BACH1: variants seen among roughly 807,000 people sequenced by gnomAD.
The protein encoded by BACH1 is BTB domain and CNC homolog 1, also known as transcription regulator protein BACH1.
Under a neutral mutation model 52.9 loss-of-function variants are expected in BACH1, and 35 were observed. The observed-to-expected ratio is 0.66, with a 90% CI of 0.51 to 0.88. The LOEUF is 0.88. Ranked by LOEUF, BACH1 falls within the 40% of genes least tolerant of loss-of-function variation. The pLI is 0.00. For synonymous variants in BACH1, 321 were observed against 319.6 expected, an observed-to-expected ratio of 1.00 and a Z score of -0.05; for missense variants, 808 against 872.6, an observed-to-expected ratio of 0.93 and a Z score of 0.93.
rs1349424777 is a variant in BACH1, at chr21:29,343,435, T to C, written c.*602T>C. ...TTTAAGCTACATTGGGAAGATTTAG[T>C]AAATAGGCAAGTGGTTGGCCTAAGA... On this transcript the variant is annotated 3_prime_UTR_variant, in exon 5 of 5. Coordinates refer to ENST00000286800, the MANE Select transcript of BACH1 (RefSeq NM_001186.4). 6.6e-6 allele frequency: 1 copy of C among 152,266 alleles called. No homozygotes were observed. The highest frequency in any genetic ancestry group is 1.5e-5 in the Non-Finnish European group (1 of 68,114). The allele number at this position is 152,266 out of a possible 1,614,324, so 9.4% of individuals were successfully genotyped here. A position where few individuals can be genotyped will look rare whatever the true frequency, so the allele number is the denominator to read the frequency against.
chr21:29,308,096 A>G (rs148843612), intron 1 of BACH1, among the ~76,000 whole-genome samples: 20 of 152,314 alleles, frequency 1.3e-4, no homozygotes, highest in Middle Eastern at 3.4e-3. Flanking sequence ...TGCTATTTAA[A>G]CTGAGCTATA....
chr21:29,342,294 G>C, intron 4 of BACH1, 105 bp from the exon 5 acceptor site: 2 of 1,141,158 alleles, frequency 1.8e-6, no homozygotes, highest in South Asian at 1.6e-5. Flanking sequence ...TAAACTCCAT[G>C]TGATCTTACT....
intron 2 of BACH1, chr21:29,352,758 C>T (rs1488147825): frequency 6.6e-6 from 1 of 151,280 alleles, no homozygotes; most frequent in African/African-American, 2.4e-5. Flanking sequence ...GTTGCCCAGG[C>T]TAGAATGCAG....
intron 2 of BACH1, among the ~76,000 whole-genome samples, chr21:29,358,084 C>T (rs770103474): frequency 6.6e-6 from 1 of 152,178 alleles, no homozygotes; most frequent in Non-Finnish European, 1.5e-5. Context: ...GGATGCTCTT[C>T]CCTGGACACA....
At chr21:29,337,968 G>A (rs909149723) in intron 4 of BACH1, among the ~76,000 whole-genome samples, 1 of 151,924 alleles carries the variant, frequency 6.6e-6, no homozygotes, top group Admixed American at 6.6e-5. Context: ...CAAAAAAAAC[G>A]AGTTAATGGG....
intron 2 of BACH1, chr21:29,359,355 T>C (rs1173024731): frequency 6.7e-6 from 1 of 150,220 alleles, no homozygotes; most frequent in Non-Finnish European, 1.5e-5. Context: ...AAAATACTCA[T>C]GACAGATGCT....
intron 2 of BACH1, among the ~76,000 whole-genome samples, chr21:29,325,481 A>C (rs1433369618): frequency 6.6e-6 from 1 of 152,194 alleles, no homozygotes; most frequent in African/African-American, 2.4e-5. Context: ...CTTCTCTTAG[A>C]TCACTTTTAA....
At chr21:29,317,648 T>C (rs1342967842) in intron 1 of BACH1, among the ~76,000 whole-genome samples, 4 of 152,198 alleles carry the variant, frequency 2.6e-5, no homozygotes, top group African/African-American at 7.2e-5. Flanking sequence ...TGAAGTGATA[T>C]GCCATTTATT....
downstream of BACH1, among the ~76,000 whole-genome samples, chr21:29,347,939 C>G (rs982867751): frequency 1.3e-5 from 2 of 151,956 alleles, no homozygotes; most frequent in African/African-American, 4.8e-5. Flanking sequence ...TAATGATATC[C>G]AAATTTGAAT....
At chr21:29,323,549 C>T (rs763730743) in intron 2 of BACH1, among the ~76,000 whole-genome samples, 1 of 152,128 alleles carries the variant, frequency 6.6e-6, no homozygotes, top group African/African-American at 2.4e-5. Context: ...TGTTTTGTTC[C>T]AGCCTCGCTG....
intron 4 of BACH1, among the ~76,000 whole-genome samples, chr21:29,335,286 A>C (rs1017729805): frequency 2.6e-5 from 4 of 152,184 alleles, no homozygotes; most frequent in African/African-American, 9.7e-5. Context: ...GGGTTGATGC[A>C]AGGATCTGAT....
intron 4 of BACH1, among the ~76,000 whole-genome samples, chr21:29,336,344 CT>C (rs539132731): frequency 1.3e-5 from 2 of 152,214 alleles, no homozygotes; most frequent in South Asian, 4.2e-4. Flanking sequence ...TGGTGTTGTC[CT>C]TTATATTGTG....
chr21:29,311,399 G>A (rs1332158765), intron 1 of BACH1, among the ~76,000 whole-genome samples: 1 of 151,950 alleles, frequency 6.6e-6, no homozygotes, highest in East Asian at 1.9e-4. Context: ...TGTGTTTTTA[G>A]TCAAAGTAAT....
intron 1 of BACH1, among the ~76,000 whole-genome samples, chr21:29,317,110 A>AACT (rs1456685490): frequency 6.6e-6 from 1 of 152,162 alleles, no homozygotes; most frequent in Non-Finnish European, 1.5e-5. Flanking sequence ...CCCTATGGTA[A>AACT]ACTGTGCATG....
chr21:29,343,024 C>T lies in BACH1; in HGVS notation c.*191C>T. 1.8e-6 allele frequency: 1 copy of T among 542,762 alleles called. No individual in the cohort carries two copies. Among genetic ancestry groups the T allele is most frequent in the Non-Finnish European group, 3.0e-6 (1 of 330,374 alleles). The allele number at this position is 542,762 out of a possible 1,614,324, so 33.6% of individuals were successfully genotyped here. On this transcript the variant is annotated 3_prime_UTR_variant, in exon 5 of 5. Coordinates refer to ENST00000286800, the MANE Select transcript of BACH1 (RefSeq NM_001186.4). ...ACAAGAGACAAAGAAATGATTTTGC[C>T]TCCTGGATATCAGAAAAATCCATGT...
At chr21:29,347,151 GAAAT>G (rs898486990), downstream of BACH1, among the ~76,000 whole-genome samples, 6 of 152,168 alleles carry the variant, frequency 3.9e-5, no homozygotes, top group African/African-American at 1.4e-4. Flanking sequence ...AACCATTTGA[GAAAT>G]AAAAAGTAGG....
chr21:29,323,902 C>T (rs116644101), intron 2 of BACH1, among the ~76,000 whole-genome samples: 3,089 of 152,078 alleles, frequency 0.02, 87 homozygotes, highest in African/African-American at 0.07. Context: ...TGTGTGTGTG[C>T]GGGTTAAGTT....
chr21:29,355,285 C>G (rs1356157032), intron 2 of BACH1, among the ~76,000 whole-genome samples: 1 of 151,796 alleles, frequency 6.6e-6, no homozygotes, highest in Non-Finnish European at 1.5e-5. Flanking sequence ...GGTGCGTTTA[C>G]AAACCCTTAG....
intron 1 of BACH1, among the ~76,000 whole-genome samples, chr21:29,318,220 C>T (rs1333795565): frequency 2.6e-5 from 4 of 152,158 alleles, no homozygotes; most frequent in African/African-American, 9.7e-5. Flanking sequence ...GAAGGTTAAA[C>T]AGCATTTTTC....
Sources: gnomAD v4.1 joint callset for allele counts (sites outside exome capture counted in the v4.1 genomes callset) on GRCh38, gnomAD v4.1.1 for gene constraint, MANE v1.5 for transcripts, NCBI Gene and HGNC (gene_info 2026-07-23, HGNC 2026-07-21) for gene names.